HERC1: variants seen among roughly 807,000 people sequenced by gnomAD.
HERC1 encodes the protein HECT and RLD domain containing E3 ubiquitin protein ligase family member 1.
In HERC1, 160 loss-of-function variants were observed where a neutral mutation model predicts 554.3. The observed-to-expected ratio is 0.29, with a 90% CI of 0.25 to 0.33. The LOEUF (loss-of-function observed/expected upper bound fraction) is 0.33, where lower values mean the gene tolerates loss of function less well. Among genes scored for constraint, HERC1 ranks in the 10% least tolerant of loss-of-function variants. The pLI, the probability that HERC1 is intolerant of heterozygous loss-of-function variation, is 1.00. For missense variants in HERC1, 4,919 were observed against 5,918.5 expected, an observed-to-expected ratio of 0.83 and a Z score of 5.54; for synonymous variants, 2,175 against 2,131.7, an observed-to-expected ratio of 1.02 and a Z score of -0.56.
Position 63,663,185 on chromosome 15 carries a change from C to A in HERC1, c.8700G>T (p.Val2900=). 6.2e-7 allele frequency: 1 copy of A among 1,613,970 alleles called. No individual in the cohort carries two copies. The highest frequency in any genetic ancestry group is 1.1e-5 in the South Asian group (1 of 91,082). ...TCCGACTTTGATTCCTGTGGGCCTG[C>A]ACAGAGCGGTATAATCCCGCTCAGA... is the stretch of plus-strand genomic sequence containing the variant. ...LARAAGLYRS[V]QAHRNQSRRE... is the part of the protein sequence containing the mutation. The change falls in exon 44 of 78, where the codon GTG becomes GTT. Residue 2900 remains valine (V), a synonymous_variant. Coordinates refer to ENST00000443617, the MANE Select transcript of HERC1 (RefSeq NM_003922.4).
chr15:63,772,074 A>T (rs2075972247), intron 2 of HERC1, among the ~76,000 whole-genome samples: 1 of 151,776 alleles, frequency 6.6e-6, no homozygotes, highest in African/African-American at 2.4e-5. Context: ...GTGAACCAAG[A>T]TCACGCCACT....
At chr15:63,798,549 A>C (rs2076880648) in intron 1 of HERC1, among the ~76,000 whole-genome samples, 1 of 137,550 alleles carries the variant, frequency 7.3e-6, no homozygotes, top group Non-Finnish European at 1.5e-5. Flanking sequence ...AAACTTTACA[A>C]AAAAAAAAAA....
chr15:63,708,808 G>A (rs972391925), intron 24 of HERC1, among the ~76,000 whole-genome samples: 5 of 152,128 alleles, frequency 3.3e-5, no homozygotes, highest in Admixed American at 2.6e-4. Context: ...TATTTCAGCT[G>A]GAAAACCCAA....
Position 63,775,484 on chromosome 15 carries a change from A to G in HERC1, c.140T>C (p.Val47Ala). 1.9e-6 allele frequency: 3 copies of G among 1,613,984 alleles called. No individual in the cohort carries two copies. Among genetic ancestry groups the G allele is most frequent in the Non-Finnish European group, 2.5e-6 (3 of 1,179,868 alleles). ...TAAAACTTGTTGGGGCAAAGGTACT[A>G]CTTCCTTATTGCTAACCAGTTTAGA... ...LYSKLVSNKE[V>A]VPLPQQVLCL... Residue 47 changes from valine (V) to alanine (A), a missense_variant, in exon 2 of 78, where the codon GTA becomes GCA. Val to Ala is a moderately conservative substitution (Grantham distance 64). Around this residue, in one of 11 missense-constraint regions of HERC1, gnomAD observed 110 missense variants for 99.3 expected, o/e 1.11. Coordinates refer to ENST00000443617, the MANE Select transcript of HERC1 (RefSeq NM_003922.4). This position sits in a 1 kb window ranked among gnomAD's most constrained non-coding sequence, Gnocchi z 4.0.
At chr15:63,772,223 G>A (rs983288028) in intron 2 of HERC1, among the ~76,000 whole-genome samples, 7 of 152,046 alleles carry the variant, frequency 4.6e-5, no homozygotes, top group Non-Finnish European at 8.8e-5. Flanking sequence ...ACTGAGAAAA[G>A]AAATCTATTT....
chr15:63,710,041 C>G (rs1385614675), intron 24 of HERC1, among the ~76,000 whole-genome samples: 4 of 152,216 alleles, frequency 2.6e-5, no homozygotes, highest in African/African-American at 9.6e-5. Context: ...TGCTTGGGGT[C>G]TGGCAGATGA....
At chr15:63,744,805 CT>C (rs1462049372) in intron 12 of HERC1, among the ~76,000 whole-genome samples, 2 of 152,146 alleles carry the variant, frequency 1.3e-5, no homozygotes, top group African/African-American at 4.8e-5. Flanking sequence ...CAATCAAGTC[CT>C]GGAATCAGGG....
intron 65 of HERC1, among the ~76,000 whole-genome samples, chr15:63,635,494 G>A (rs1297186472): frequency 1.3e-5 from 2 of 152,178 alleles, no homozygotes; most frequent in Non-Finnish European, 2.9e-5. Context: ...TAGACTAAAT[G>A]AGATAATAAA....
chr15:63,777,087 G>C (rs2076139962), intron 1 of HERC1, among the ~76,000 whole-genome samples: 1 of 152,160 alleles, frequency 6.6e-6, no homozygotes, highest in South Asian at 2.1e-4. Flanking sequence ...TGGTAATAGA[G>C]AGAAACCTCA....
intron 25 of HERC1, among the ~76,000 whole-genome samples, chr15:63,705,101 G>A (rs2072933951): frequency 6.6e-6 from 1 of 151,796 alleles, no homozygotes; most frequent in Admixed American, 6.6e-5. Context: ...AAGACTTCTC[G>A]ATAAAGAAAG....
chr15:63,664,988 T>A (rs2070545926), intron 42 of HERC1, among the ~76,000 whole-genome samples: 1 of 152,214 alleles, frequency 6.6e-6, no homozygotes, highest in Non-Finnish European at 1.5e-5. Context: ...GGAAAAAGCT[T>A]GCATGCCATC....
At chr15:63,739,948 T>C (rs963129659) in intron 12 of HERC1, among the ~76,000 whole-genome samples, 2 of 152,118 alleles carry the variant, frequency 1.3e-5, no homozygotes, top group Non-Finnish European at 2.9e-5. Context: ...TCTCACTCTG[T>C]TGCCCAGGCT....
intron 77 of HERC1, among the ~76,000 whole-genome samples, chr15:63,610,354 G>GTAGGTCATTGTAGTACTGT (rs1381173575): frequency 6.6e-6 from 1 of 152,132 alleles, no homozygotes; most frequent in Non-Finnish European, 1.5e-5. Context: ...ACCTAAATGT[G>GTAGGTCATTGTAGTACTGT]AGTACTGTAG....
chr15:63,775,316 A>C lies in HERC1; in HGVS notation c.308T>G (p.Leu103Arg). The change falls in exon 2 of 78, where the codon CTT becomes CGT. Residue 103 changes from leucine (L) to arginine (R), a missense_variant. Physicochemically the swap from Leu to Arg is moderately radical, Grantham distance 102. This residue lies in a region of HERC1 where 744 missense variants were observed against 1,090.0 expected (regional missense o/e 0.68). Coordinates refer to ENST00000443617, the MANE Select transcript of HERC1 (RefSeq NM_003922.4). The surrounding 1 kb of genome is among the most constrained non-coding windows in gnomAD (Gnocchi z 4.0). ...VCSDSPFAGA[L>R]RKRLLVLQRV... ...CTGGAGTACAAGCAGTCGTTTTCTA[A>C]GTGCCCCGGCAAATGGGGAATCTGA... is the stretch of plus-strand genomic sequence containing the variant. 6.2e-7 allele frequency: 1 copy of C among 1,614,008 alleles called. No individual in the cohort carries two copies. The highest frequency in any genetic ancestry group is 8.5e-7 in the Non-Finnish European group (1 of 1,179,876).
chr15:63,817,644 G>A (rs2077536086), intron 1 of HERC1, among the ~76,000 whole-genome samples: 2 of 152,224 alleles, frequency 1.3e-5, no homozygotes, highest in Admixed American at 1.3e-4. Context: ...GAACCCAGGA[G>A]TTGGAGGTTG....
chr15:63,712,942 A>C, intron 23 of HERC1, 47 bp from the exon 24 acceptor site: 1 of 1,555,694 alleles, frequency 6.4e-7, no homozygotes, highest in South Asian at 1.2e-5. Flanking sequence ...TAGGACTGTT[A>C]GTGAACATAA....
chr15:63,732,985 G>A lies in HERC1; in HGVS notation c.2807C>T (p.Pro936Leu). The A allele has an allele frequency of 3.7e-6, 6 of 1,613,926 alleles. No individual in the cohort carries two copies. Among genetic ancestry groups the A allele is most frequent in the Non-Finnish European group, 3.4e-6 (4 of 1,179,858 alleles). Residue 936 changes from proline (P) to leucine (L), a missense_variant, in exon 14 of 78, where the codon CCA (proline) becomes CTA (leucine). By Grantham distance (98) the Pro-to-Leu change is moderately conservative. This residue lies in a region of HERC1 where 744 missense variants were observed against 1,090.0 expected (regional missense o/e 0.68). Coordinates refer to ENST00000443617, the MANE Select transcript of HERC1 (RefSeq NM_003922.4). ...CAAAATTTCAGCCAGGTGGGTATCT[G>A]GATGGCAGCTCTGAGTGCCGTAAGG... ...DQPYGTQSCH[P>L]DTHLAEILMK...
At position 63,758,108 on chromosome 15, in the gene HERC1, T is replaced by C; in HGVS notation, c.1221+67A>G. 1 of 1,129,494 alleles carries C rather than the reference T, an allele frequency of 8.9e-7. No individual in the cohort carries two copies. Among genetic ancestry groups the C allele is most frequent in the Non-Finnish European group, 1.3e-6 (1 of 778,198 alleles). The allele number at this position is 1,129,494 out of a possible 1,614,324, so 70.0% of individuals were successfully genotyped here. On this transcript the variant is annotated intron_variant, in intron 4 of 77. Transcript: ENST00000443617. This position sits in a 1 kb window ranked among gnomAD's most constrained non-coding sequence, Gnocchi z 4.0. ...TCATTTAAAAAATACTCAGTATTAT[T>C]TAATGCAAATAAGCATGAATATACA...
chr15:63,755,881 C>T (rs1341960362), intron 5 of HERC1, among the ~76,000 whole-genome samples: 1 of 152,122 alleles, frequency 6.6e-6, no homozygotes, highest in African/African-American at 2.4e-5. Context: ...TTGTGTGGGT[C>T]CTTGGCAATT....
Sources: allele counts gnomAD v4.1 joint callset (sites outside exome capture counted in the v4.1 genomes callset), GRCh38; gene constraint gnomAD v4.1.1; regional missense constraint gnomAD v4.1.1; non-coding constraint Gnocchi (gnomAD v3.1); transcripts MANE v1.5; gene names NCBI Gene and HGNC (gene_info 2026-07-23, HGNC 2026-07-21).